IQCM: variants seen among roughly 807,000 people sequenced by gnomAD.
IQCM encodes IQ motif containing M.
IQCM carries 45 observed loss-of-function variants against 57.6 expected under a neutral mutation model. The ratio of observed to expected loss-of-function variants is 0.78; its 90% CI spans 0.62 to 1.00. The LOEUF is 1.00. Ranked by LOEUF, IQCM falls within the 50% of genes least tolerant of loss-of-function variation. The pLI is 0.00. For missense variants in IQCM, 468 were observed against 511.6 expected (o/e 0.91, Z 0.82); for synonymous variants, 148 against 158.9 (o/e 0.93, Z 0.51).
chr4:149,749,444 G>T lies in IQCM; in HGVS notation c.-48-6705C>A, dbSNP rs529849861. On this transcript the variant is annotated intron_variant, in intron 2 of 13. Transcript: ENST00000636793. ...AAGAAGCCAGCATAATCAGGACACG[G>T]TCTATGTTTTTAATAATATAAAGTT... Among the ~76,000 whole-genome samples the T allele has an allele frequency of 9.9e-5, 15 of 152,234 alleles. No individual in the cohort carries two copies. In the East Asian group the frequency reaches 2.1e-3, roughly 22 times the overall value.
intron 7 of IQCM, among the ~76,000 whole-genome samples, chr4:149,674,478 G>A (rs953838692): frequency 6.6e-5 from 10 of 152,034 alleles, no homozygotes; most frequent in African/African-American, 1.7e-4. Context: ...TCTTGATATC[G>A]TAAATGCTAG....
chr4:149,429,248 A>C (rs1472208145), intron 13 of IQCM, among the ~76,000 whole-genome samples: 2 of 151,946 alleles, frequency 1.3e-5, no homozygotes, highest in African/African-American at 4.8e-5. Context: ...CAGACAGTGC[A>C]TAAGGAAAGA....
chr4:149,688,845 G>A (rs758081901), intron 5 of IQCM, among the ~76,000 whole-genome samples: 39 of 151,770 alleles, frequency 2.6e-4, no homozygotes, highest in Admixed American at 4.6e-4. Context: ...CAAAAACAAA[G>A]TGGGGAAAGG....
At chr4:149,762,515 G>C (rs2149966554) in intron 2 of IQCM, among the ~76,000 whole-genome samples, 1 of 152,044 alleles carries the variant, frequency 6.6e-6, no homozygotes, top group Admixed American at 6.6e-5. Flanking sequence ...AGGAGAGCAG[G>C]CCCTTACTTA....
intron 7 of IQCM, among the ~76,000 whole-genome samples, chr4:149,661,887 A>G (rs1386083612): frequency 6.6e-6 from 1 of 151,980 alleles, no homozygotes; most frequent in East Asian, 1.9e-4. Context: ...TGTTTCTTAA[A>G]AAAGTTCTTT....
chr4:149,529,140 T>C (rs1334587721), intron 12 of IQCM, among the ~76,000 whole-genome samples: 1 of 152,100 alleles, frequency 6.6e-6, no homozygotes, highest in Non-Finnish European at 1.5e-5. Context: ...CTCAGCTCAC[T>C]GCAACCTCAG....
intron 12 of IQCM, among the ~76,000 whole-genome samples, chr4:149,508,272 C>T (rs1744038176): frequency 6.6e-6 from 1 of 151,952 alleles, no homozygotes; most frequent in Non-Finnish European, 1.5e-5. Context: ...AGAAGAGGGC[C>T]ACCATCCTCC....
At chr4:149,428,776 GA>G (rs1050970986) in intron 13 of IQCM, among the ~76,000 whole-genome samples, 1 of 151,412 alleles carries the variant, frequency 6.6e-6, no homozygotes. Context: ...TTTTTAATGG[GA>G]AAAAAACAGT....
intron 5 of IQCM, among the ~76,000 whole-genome samples, chr4:149,701,451 A>G (rs918689401): frequency 1.3e-5 from 2 of 152,022 alleles, no homozygotes; most frequent in African/African-American, 4.8e-5. Context: ...GAAAGTGGTA[A>G]CTTTAAGGCA....
intron 13 of IQCM, among the ~76,000 whole-genome samples, chr4:149,381,421 C>G (rs748158160): frequency 6.6e-6 from 1 of 152,064 alleles, no homozygotes; most frequent in Non-Finnish European, 1.5e-5. Flanking sequence ...ATGGCATCTC[C>G]TCTTTCACTG....
At chr4:149,731,455 T>C (rs1011275201) in intron 5 of IQCM, among the ~76,000 whole-genome samples, 3 of 152,200 alleles carry the variant, frequency 2.0e-5, no homozygotes, top group Admixed American at 2.0e-4. Flanking sequence ...GAAATAAATT[T>C]AGTCTGTTTA....
intron 2 of IQCM, among the ~76,000 whole-genome samples, chr4:149,779,056 T>C (rs1015670666): frequency 3.9e-5 from 6 of 152,172 alleles, no homozygotes; most frequent in African/African-American, 1.4e-4. Flanking sequence ...ATATTCATCA[T>C]GAATATACAC....
At chr4:149,353,570 T>C (rs1728721086) in intron 13 of IQCM, among the ~76,000 whole-genome samples, 2 of 152,272 alleles carry the variant, frequency 1.3e-5, no homozygotes, top group East Asian at 1.9e-4. Flanking sequence ...TAAAGAACTG[T>C]AGCATATATA....
chr4:149,404,656 A>C (rs1474112992), intron 13 of IQCM, among the ~76,000 whole-genome samples: 1 of 152,088 alleles, frequency 6.6e-6, no homozygotes, highest in Non-Finnish European at 1.5e-5. Context: ...GAACAAAATT[A>C]AATCAGATAT....
intron 8 of IQCM, among the ~76,000 whole-genome samples, chr4:149,611,431 C>T (rs1308281482): frequency 6.6e-6 from 1 of 151,938 alleles, no homozygotes; most frequent in Non-Finnish European, 1.5e-5. Flanking sequence ...TAGTATCAAC[C>T]TAAAAGTCCA....
At chr4:149,389,349 C>T (rs531909137) in intron 13 of IQCM, among the ~76,000 whole-genome samples, 1 of 152,060 alleles carries the variant, frequency 6.6e-6, no homozygotes, top group South Asian at 2.1e-4. Flanking sequence ...ATTGATATGA[C>T]TATCTTTATG....
At chr4:149,758,701 A>G (rs996443055) in intron 2 of IQCM, among the ~76,000 whole-genome samples, 1 of 147,200 alleles carries the variant, frequency 6.8e-6, no homozygotes, top group Non-Finnish European at 1.5e-5. Context: ...ATATAAATGA[A>G]AAGATGCTTT....
chr4:149,592,821 TGTTTTG>T (rs1460678571), intron 8 of IQCM, among the ~76,000 whole-genome samples: 7 of 152,194 alleles, frequency 4.6e-5, no homozygotes, highest in African/African-American at 1.7e-4. Flanking sequence ...TCTATATCTC[TGTTTTG>T]GTACCAGTAC....
chr4:149,768,053 C>T (rs1580247048), intron 2 of IQCM, among the ~76,000 whole-genome samples: 1 of 152,062 alleles, frequency 6.6e-6, no homozygotes, highest in East Asian at 1.9e-4. Flanking sequence ...TTCCACGTCT[C>T]ACGTAACTCA....
Sources: allele counts gnomAD v4.1 joint callset (sites outside exome capture counted in the v4.1 genomes callset), GRCh38; gene constraint gnomAD v4.1.1; transcripts MANE v1.5; gene names NCBI Gene and HGNC (gene_info 2026-07-23, HGNC 2026-07-21).